PPA2: variants seen among roughly 807,000 people sequenced by gnomAD.
The protein encoded by PPA2 is inorganic pyrophosphatase 2, also known as inorganic pyrophosphatase 2, mitochondrial.
PPA2 carries 48 observed loss-of-function variants against 49.5 expected under a neutral mutation model. The observed-to-expected ratio is 0.97, with a 90% CI of 0.77 to 1.23. The LOEUF (loss-of-function observed/expected upper bound fraction) is 1.23, where lower values mean the gene tolerates loss of function less well. Among genes scored for constraint, PPA2 ranks in the 50% most tolerant of loss-of-function variants. The pLI is 0.00. For synonymous variants in PPA2, 131 were observed against 139.9 expected (o/e 0.94, Z 0.45); for missense variants, 429 against 410.1 (o/e 1.05, Z -0.40).
chr4:105,372,953 T>C (rs973486485), intron 10 of PPA2, among the ~76,000 whole-genome samples: 3 of 152,226 alleles, frequency 2.0e-5, no homozygotes, highest in African/African-American at 7.2e-5. Flanking sequence ...ATTTTCTTTA[T>C]ATCAAAGAAA....
intron 5 of PPA2, among the ~76,000 whole-genome samples, chr4:105,438,356 C>T (rs560297100): frequency 1.8e-4 from 28 of 152,268 alleles, no homozygotes; most frequent in Middle Eastern, 3.4e-3. Context: ...TGGATGTTCC[C>T]ACTGTCTGTG....
At chr4:105,398,233 T>A (rs1339340112) in intron 8 of PPA2, 1 of 152,000 alleles carries the variant, frequency 6.6e-6, no homozygotes, top group Non-Finnish European at 1.5e-5. Context: ...TTCAATCCTT[T>A]AAGATAATTT....
At chr4:105,392,296 G>T (rs1221873590) in intron 9 of PPA2, among the ~76,000 whole-genome samples, 1 of 152,012 alleles carries the variant, frequency 6.6e-6, no homozygotes, top group Non-Finnish European at 1.5e-5. Context: ...TTCGGAGAAA[G>T]AGAATTTTCA....
intron 10 of PPA2, among the ~76,000 whole-genome samples, chr4:105,371,488 T>C (rs1421941207): frequency 6.6e-6 from 1 of 152,186 alleles, no homozygotes; most frequent in Non-Finnish European, 1.5e-5. Flanking sequence ...TTTACATCTA[T>C]GTGACCACCA....
At chr4:105,468,271 T>G (rs922498085) in intron 1 of PPA2, among the ~76,000 whole-genome samples, 16 of 152,026 alleles carry the variant, frequency 1.1e-4, no homozygotes, top group Non-Finnish European at 2.9e-5. Flanking sequence ...GCAGTATAGA[T>G]AGAGAAGTGG....
intron 10 of PPA2, among the ~76,000 whole-genome samples, chr4:105,372,528 T>C (rs1300256366): frequency 3.3e-5 from 5 of 152,212 alleles, no homozygotes; most frequent in Non-Finnish European, 4.4e-5. Flanking sequence ...CTCTGAATAA[T>C]GCAGATTACC....
intron 10 of PPA2, among the ~76,000 whole-genome samples, chr4:105,371,415 A>G (rs1203625528): frequency 2.0e-5 from 3 of 152,136 alleles, no homozygotes; most frequent in African/African-American, 7.2e-5. Flanking sequence ...TTAGCACTCC[A>G]TTGGAAGATC....
At chr4:105,429,247 T>C (rs1481535925) in intron 6 of PPA2, among the ~76,000 whole-genome samples, 1 of 152,138 alleles carries the variant, frequency 6.6e-6, no homozygotes, top group Non-Finnish European at 1.5e-5. Flanking sequence ...CCAAGAAAAT[T>C]TGCAGATAAA....
intron 7 of PPA2, among the ~76,000 whole-genome samples, chr4:105,421,149 A>G (rs1578843519): frequency 6.6e-6 from 1 of 152,356 alleles, no homozygotes; most frequent in East Asian, 1.9e-4. Context: ...CCAGCTCCAA[A>G]TATACAACTT....
intron 10 of PPA2, among the ~76,000 whole-genome samples, chr4:105,380,236 T>G (rs1482074568): frequency 6.6e-6 from 1 of 152,230 alleles, no homozygotes; most frequent in Non-Finnish European, 1.5e-5. Flanking sequence ...AGTTTATATA[T>G]TTCAAGGCAT....
intron 9 of PPA2, among the ~76,000 whole-genome samples, chr4:105,392,147 A>T (rs1249864750): frequency 1.3e-5 from 2 of 152,178 alleles, no homozygotes; most frequent in African/African-American, 4.8e-5. Context: ...TCAAAAAATG[A>T]TTTCTCCCAG....
rs182396177 is a variant in PPA2 at position 105,369,833 on chromosome 4, C to T, written c.977-80G>A. 61 of 1,338,858 alleles carry T rather than the reference C, an allele frequency of 4.6e-5. 1 individual carries two copies. Among genetic ancestry groups the T allele is most frequent in the South Asian group, 1.1e-4 (9 of 84,822 alleles). 82.9% of individuals were successfully genotyped at this position (1,338,858 alleles called of 1,614,324 possible). A position where few individuals can be genotyped will look rare whatever the true frequency, so the allele number is the denominator to read the frequency against. ...GGGAGTGATTAATCAAATTTAATTT[C>T]GACTTTTAGGAAGTATTTAGGCAGA... On this transcript the variant is annotated intron_variant, in intron 11 of 11. Transcript: ENST00000341695.
intron 7 of PPA2, chr4:105,405,882 T>A (rs1161219834): frequency 2.2e-6 from 1 of 454,374 alleles, no homozygotes; most frequent in South Asian, 1.6e-5. Flanking sequence ...GCTGGAAGTT[T>A]GGCTCCTGTC....
At chr4:105,371,401 C>T (rs1002654961) in intron 10 of PPA2, among the ~76,000 whole-genome samples, 1 of 152,016 alleles carries the variant, frequency 6.6e-6, no homozygotes, top group Non-Finnish European at 1.5e-5. Context: ...AAGAATAATA[C>T]TTTTTAGCAC....
At chr4:105,456,606 A>T (rs553713567) in intron 2 of PPA2, 75 bp downstream of exon 2, 8 of 1,250,758 alleles carry the variant, frequency 6.4e-6, no homozygotes, top group Admixed American at 2.2e-5. Context: ...TTTCCTTTCA[A>T]GGTGCTTCCA....
chr4:105,456,598 T>C lies in PPA2; in HGVS notation c.222+83A>G, dbSNP rs181445414. On this transcript the variant is annotated intron_variant, in intron 2 of 11. Transcript: ENST00000341695. ...CCTCCTGACTTCCAACAACACTTTT[T>C]CCTTTCAAGGTGCTTCCAAAAAGCA... 44 of 1,165,828 alleles carry C rather than the reference T, an allele frequency of 3.8e-5. No homozygotes were observed. The African/African-American group carries it at 5.6e-4, about 15-fold the overall frequency. 72.2% of individuals were successfully genotyped at this position (1,165,828 alleles called of 1,614,324 possible). A position where few individuals can be genotyped will look rare whatever the true frequency, so the allele number is the denominator to read the frequency against.
intron 1 of PPA2, among the ~76,000 whole-genome samples, chr4:105,471,729 C>T (rs1723531325): frequency 6.6e-6 from 1 of 152,168 alleles, no homozygotes; most frequent in Admixed American, 6.5e-5. Flanking sequence ...TGCCCTACCC[C>T]TTCTAGCAGG....
In PPA2 at chr4:105,395,833, T is replaced by G. The variant is rs554880037; in HGVS notation, c.869+416A>C. On this transcript the variant is annotated intron_variant, in intron 9 of 11. Transcript: ENST00000341695. ...AAATGGGTGAATATACATTTAAATGTTTTAAATTAAATGTTTATGTTACTG... is the reference window on the plus strand; with the variant it reads ...AAATGGGTGAATATACATTTAAATGGTTTAAATTAAATGTTTATGTTACTG... Among the ~76,000 whole-genome samples, 319 of 152,294 alleles carry G rather than the reference T, an allele frequency of 2.1e-3. 2 individuals carry two copies. The highest frequency in any genetic ancestry group is 3.3e-3 in the Non-Finnish European group (222 of 68,006).
intron 6 of PPA2, among the ~76,000 whole-genome samples, chr4:105,431,734 A>T (rs1723808325): frequency 6.6e-6 from 1 of 152,234 alleles, no homozygotes; most frequent in Non-Finnish European, 1.5e-5. Flanking sequence ...CCATCAGCAG[A>T]ATATTATTCA....
Sources: gnomAD v4.1 joint callset for allele counts (sites outside exome capture counted in the v4.1 genomes callset) on GRCh38, gnomAD v4.1.1 for gene constraint, MANE v1.5 for transcripts, NCBI Gene and HGNC (gene_info 2026-07-23, HGNC 2026-07-21) for gene names.